Variants in IPCEF1 observed in about 807,000 individuals in gnomAD.
The protein encoded by IPCEF1 is interaction protein for cytohesin exchange factors 1.
IPCEF1 carries 31 observed loss-of-function variants against 50.9 expected under a neutral mutation model. That is an observed-to-expected ratio of 0.61 (90% CI 0.46 to 0.82). IPCEF1 has a LOEUF of 0.82. Ranked by LOEUF, IPCEF1 falls within the 40% of genes least tolerant of loss-of-function variation. The pLI is 0.00. For missense variants in IPCEF1, 458 were observed against 514.0 expected, an observed-to-expected ratio of 0.89 and a Z score of 1.05; for synonymous variants, 181 against 192.0, an observed-to-expected ratio of 0.94 and a Z score of 0.47.
intron 4 of IPCEF1, 122 bp from the exon 5 acceptor site, chr6:154,246,882 A>AT: frequency 2.3e-5 from 25 of 1,069,332 alleles, no homozygotes; most frequent in Non-Finnish European, 2.9e-5. Flanking sequence ...GGGGAGCTGG[A>AT]TTTTTCACCA....
At chr6:154,339,894 G>T (rs185105762) in intron 1 of IPCEF1, among the ~76,000 whole-genome samples, 1 of 152,188 alleles carries the variant, frequency 6.6e-6, no homozygotes, top group Non-Finnish European at 1.5e-5. Context: ...GCCGCTCCTG[G>T]CCAAGTGATA....
intron 1 of IPCEF1, among the ~76,000 whole-genome samples, chr6:154,331,397 AAG>A (rs1491029627): frequency 2.9e-5 from 4 of 138,236 alleles, no homozygotes; most frequent in Non-Finnish European, 6.2e-5. Context: ...GAAAGAAAGA[AAG>A]AAAGAAAGAG....
At chr6:154,252,955 A>G (rs928098962) in intron 3 of IPCEF1, among the ~76,000 whole-genome samples, 4 of 152,234 alleles carry the variant, frequency 2.6e-5, no homozygotes, top group East Asian at 1.9e-4. Context: ...TTATTGCAGT[A>G]AGATACAGAT....
At chr6:154,356,158 C>T (rs549807831) in intron 1 of IPCEF1, among the ~76,000 whole-genome samples, 1 of 152,226 alleles carries the variant, frequency 6.6e-6, no homozygotes, top group East Asian at 1.9e-4. Context: ...CCCAGACACC[C>T]TTACTAAAAG....
At chr6:154,324,382 A>G (rs886296289) in intron 1 of IPCEF1, among the ~76,000 whole-genome samples, 2 of 152,250 alleles carry the variant, frequency 1.3e-5, no homozygotes, top group African/African-American at 4.8e-5. Context: ...CCTGGGCAAG[A>G]TGGCAAGACC....
At chr6:154,209,178 C>T (rs2128602380) in intron 9 of IPCEF1, among the ~76,000 whole-genome samples, 1 of 152,068 alleles carries the variant, frequency 6.6e-6, no homozygotes, top group Non-Finnish European at 1.5e-5. Flanking sequence ...TTTGAATTTT[C>T]CAAAATAGTA....
chr6:154,298,715 G>A (rs1209002401), intron 1 of IPCEF1, among the ~76,000 whole-genome samples: 2 of 152,170 alleles, frequency 1.3e-5, no homozygotes. Context: ...TGTAATCCCA[G>A]CACTTTGGGA....
At chr6:154,337,334 C>T (rs1783808750) in intron 1 of IPCEF1, among the ~76,000 whole-genome samples, 1 of 152,194 alleles carries the variant, frequency 6.6e-6, no homozygotes, top group African/African-American at 2.4e-5. Context: ...GATATAGACA[C>T]TGAGTGTGAA....
intron 3 of IPCEF1, among the ~76,000 whole-genome samples, chr6:154,258,435 C>T (rs1436100036): frequency 6.6e-6 from 1 of 152,146 alleles, no homozygotes; most frequent in Middle Eastern, 3.2e-3. Context: ...CTTCTGTGTT[C>T]TCACCATGTT....
At chr6:154,237,444 C>A (rs988502061) in intron 5 of IPCEF1, among the ~76,000 whole-genome samples, 1 of 152,310 alleles carries the variant, frequency 6.6e-6, no homozygotes, top group East Asian at 1.9e-4. Flanking sequence ...AAAACCATTC[C>A]TGGTATCTGA....
At chr6:154,303,202 C>T (rs1325839965) in intron 1 of IPCEF1, among the ~76,000 whole-genome samples, 1 of 151,454 alleles carries the variant, frequency 6.6e-6, no homozygotes, top group East Asian at 1.9e-4. Context: ...AGCTATTCTC[C>T]TGCCTCAGCC....
At chr6:154,316,370 T>C (rs1783218571) in intron 1 of IPCEF1, among the ~76,000 whole-genome samples, 1 of 152,216 alleles carries the variant, frequency 6.6e-6, no homozygotes, top group African/African-American at 2.4e-5. Flanking sequence ...TTTATTGCTG[T>C]GGTCCGGAAC....
chr6:154,335,710 C>T (rs2128695582), intron 1 of IPCEF1, among the ~76,000 whole-genome samples: 1 of 152,224 alleles, frequency 6.6e-6, no homozygotes, highest in Admixed American at 6.5e-5. Context: ...AAGATACAAC[C>T]TGTTGAATGG....
intron 5 of IPCEF1, among the ~76,000 whole-genome samples, chr6:154,224,577 G>C (rs1247910767): frequency 3.9e-5 from 6 of 152,088 alleles, no homozygotes; most frequent in Admixed American, 6.6e-5. Context: ...TGGTCATGGT[G>C]GTGGGCCCCT....
At chr6:154,353,114 T>G (rs1003994368) in intron 1 of IPCEF1, among the ~76,000 whole-genome samples, 1 of 152,130 alleles carries the variant, frequency 6.6e-6, no homozygotes, top group African/African-American at 2.4e-5. Flanking sequence ...GCACCAGCCT[T>G]ACTCTCAAAG....
At chr6:154,288,701 A>C (rs1782436268) in intron 2 of IPCEF1, among the ~76,000 whole-genome samples, 3 of 145,532 alleles carry the variant, frequency 2.1e-5, no homozygotes, top group East Asian at 2.0e-4. Context: ...AAAAAAAAAA[A>C]AAAACTGTAA....
chr6:154,267,604 G>T (rs1475262541), intron 2 of IPCEF1, among the ~76,000 whole-genome samples: 1 of 152,232 alleles, frequency 6.6e-6, no homozygotes, highest in Non-Finnish European at 1.5e-5. Flanking sequence ...GGAGCAAGAT[G>T]AAGAGGAGCT....
At chr6:154,336,870 C>T (rs150020712) in intron 1 of IPCEF1, among the ~76,000 whole-genome samples, 3,220 of 152,276 alleles carry the variant, frequency 0.021, 60 homozygotes, top group Non-Finnish European at 0.032. Context: ...TCCCAAAGTG[C>T]TGAGACTACA....
intron 11 of IPCEF1, among the ~76,000 whole-genome samples, chr6:154,166,797 C>T (rs540790178): frequency 1.7e-4 from 26 of 152,280 alleles, no homozygotes; most frequent in East Asian, 5.8e-4. Flanking sequence ...AATCCCAACA[C>T]GCTATGACAT....
Sources: allele counts gnomAD v4.1 joint callset (sites outside exome capture counted in the v4.1 genomes callset), GRCh38; gene constraint gnomAD v4.1.1; transcripts MANE v1.5; gene names NCBI Gene and HGNC (gene_info 2026-07-23, HGNC 2026-07-21).